The following ZNF577 variants were observed in gnomAD, a reference collection of about 807,000 sequenced individuals.
ZNF577 encodes zinc finger protein 577.
In ZNF577, 14 loss-of-function variants were observed where a neutral mutation model predicts 13.9. The observed-to-expected ratio is 1.00, with a 90% CI of 0.66 to 1.57. The LOEUF is 1.57. Ranked by LOEUF, ZNF577 falls within the 40% of genes most tolerant of loss-of-function variation. The pLI, the probability that ZNF577 is intolerant of heterozygous loss-of-function variation, is 0.00. For synonymous variants in ZNF577, 203 were observed against 202.9 expected (o/e 1.00, Z 0.00); for missense variants, 555 against 579.2 (o/e 0.96, Z 0.43).
intron 9 of ZNF577, chr19:51,823,842 G>A (rs764140414): frequency 3.7e-6 from 6 of 1,614,042 alleles, no homozygotes; most frequent in Non-Finnish European, 2.5e-6. Flanking sequence ...CTCATTGCTA[G>A]TCCACGGAGT....
downstream of ZNF577, among the ~76,000 whole-genome samples, chr19:51,863,548 A>G (rs1056933385): frequency 1.3e-5 from 2 of 152,194 alleles, no homozygotes; most frequent in African/African-American, 4.8e-5. Context: ...CAGAAAAACC[A>G]TATGTACCTG....
At chr19:51,841,836 T>C (rs1005447243) in intron 8 of ZNF577, among the ~76,000 whole-genome samples, 1 of 152,190 alleles carries the variant, frequency 6.6e-6, no homozygotes, top group African/African-American at 2.4e-5. Context: ...GGAGAATCAG[T>C]TGAATCTTTC....
At chr19:51,861,238 C>A (rs1474823083) in intron 5 of ZNF577, 2 of 259,970 alleles carry the variant, frequency 7.7e-6, no homozygotes, top group African/African-American at 4.8e-5. Context: ...CCTGCCTCAG[C>A]CTCCTGAGTA....
chr19:51,814,483 GTTTT>G (rs1385079896), intron 9 of ZNF577, among the ~76,000 whole-genome samples: 3 of 108,442 alleles, frequency 2.8e-5, no homozygotes, highest in African/African-American at 1.3e-4. Flanking sequence ...CAAGGTTTTT[GTTTT>G]TTGTTTGTTT....
intron 9 of ZNF577, among the ~76,000 whole-genome samples, chr19:51,827,046 C>T (rs1365586309): frequency 6.6e-6 from 1 of 152,158 alleles, no homozygotes; most frequent in Non-Finnish European, 1.5e-5. Context: ...TCTCTGGCCA[C>T]ATGACGTCTG....
chr19:51,872,787 G>A lies in ZNF577; in HGVS notation c.1203C>T (p.Ser401=), dbSNP rs10407707. 0.05 allele frequency: 81,000 copies of A among 1,613,980 alleles called. 7,242 individuals carry two copies. Among genetic ancestry groups the A allele is most frequent in the African/African-American group, 0.28 (20,790 of 74,934 alleles). Residue 401 remains serine, a synonymous_variant, in exon 6 of 6, where the codon AGC becomes AGT. Coordinates refer to ENST00000638348, the MANE Select transcript of ZNF577 (RefSeq NM_001370449.1). ...CAGTCTTTTGCTCTTGTATGAGTTC[G>A]CTCATGTATAAGGAGGTATGACTCC... ...SSRSHTSLYM[S]ELIQEQKTVN...
chr19:51,881,477 A>G (rs1486132429), intron 1 of ZNF577, among the ~76,000 whole-genome samples: 1 of 152,204 alleles, frequency 6.6e-6, no homozygotes. Context: ...TAAGGTACTC[A>G]TTATTATTTC....
chr19:51,861,244 G>A (rs1599859897), intron 5 of ZNF577: 1 of 251,744 alleles, frequency 4.0e-6, no homozygotes, highest in Non-Finnish European at 7.4e-6. Context: ...TCAGCCTCCT[G>A]AGTAGTTAGG....
chr19:51,865,632 C>T (rs1039604663), downstream of ZNF577, among the ~76,000 whole-genome samples: 11 of 152,262 alleles, frequency 7.2e-5, no homozygotes, highest in South Asian at 6.2e-4. Flanking sequence ...AAACGCCAAA[C>T]AAAAGAGAGC....
chr19:51,880,463 T>A (rs1269693881), intron 2 of ZNF577, 62 bp from the exon 3 acceptor site: 1 of 1,429,516 alleles, frequency 7.0e-7, no homozygotes, highest in Admixed American at 1.7e-5. Context: ...TAACAGTCAC[T>A]TAGCTATGTT....
chr19:51,847,676 C>T (rs182953230), intron 5 of ZNF577, among the ~76,000 whole-genome samples: 1 of 152,162 alleles, frequency 6.6e-6, no homozygotes. Flanking sequence ...TAAAAGCCCT[C>T]AACAACCCCG....
At chr19:51,839,153 C>T (rs964519028) in intron 9 of ZNF577, among the ~76,000 whole-genome samples, 1 of 152,226 alleles carries the variant, frequency 6.6e-6, no homozygotes, top group African/African-American at 2.4e-5. Flanking sequence ...CAATACCTTG[C>T]CCAAAGTCAT....
intron 9 of ZNF577, among the ~76,000 whole-genome samples, chr19:51,817,314 A>G (rs2084144564): frequency 1.3e-5 from 2 of 152,182 alleles, no homozygotes; most frequent in South Asian, 4.1e-4. Context: ...AAACCAAAAT[A>G]GAGTCACTCA....
rs1425572727 is a variant in ZNF577 at position 51,872,948 on chromosome 19, G to A, written c.1042C>T (p.His348Tyr). 5 of 1,614,186 alleles carry A rather than the reference G, an allele frequency of 3.1e-6. No homozygotes were observed. Among genetic ancestry groups the A allele is most frequent in the Non-Finnish European group, 3.4e-6 (4 of 1,180,042 alleles). ...CATGAATATGGTCTCTCTCCAGTGTGAGTACGCTGATGCTGAATGAGCTTC... is the reference window on the plus strand; with the variant it reads ...CATGAATATGGTCTCTCTCCAGTGTAAGTACGCTGATGCTGAATGAGCTTC... ...KSKLIQHQRT[H>Y]TGERPYSCRE... Residue 348 changes from histidine (H) to tyrosine (Y), a missense_variant, in exon 6 of 6, where the codon CAC becomes TAC. Coordinates refer to ENST00000638348, the MANE Select transcript of ZNF577 (RefSeq NM_001370449.1).
intron 5 of ZNF577, among the ~76,000 whole-genome samples, chr19:51,859,154 A>G (rs2084471047): frequency 6.6e-6 from 1 of 152,188 alleles, no homozygotes; most frequent in South Asian, 2.1e-4. Flanking sequence ...TTCATGCAAC[A>G]TGTCATCAGT....
At chr19:51,817,615 A>G (rs1290289974) in intron 9 of ZNF577, 2 of 151,720 alleles carry the variant, frequency 1.3e-5, no homozygotes, top group Non-Finnish European at 2.9e-5. Flanking sequence ...TGCTTTCTTT[A>G]GCCCTCCTCT....
intron 9 of ZNF577, among the ~76,000 whole-genome samples, chr19:51,831,382 G>A (rs937721765): frequency 1.3e-5 from 2 of 152,158 alleles, no homozygotes; most frequent in African/African-American, 4.8e-5. Context: ...CTCCCAAAGT[G>A]CAAGGATTAC....
Position 51,824,989 on chromosome 19 carries a change from G to C in ZNF577, c.*600-13315C>G. 1.7e-6 allele frequency: 1 copy of C among 595,282 alleles called. No individual in the cohort carries two copies. Among genetic ancestry groups the C allele is most frequent in the Non-Finnish European group, 3.0e-6 (1 of 330,092 alleles). The allele number at this position is 595,282 out of a possible 1,614,324, so 36.9% of individuals were successfully genotyped here. A position where few individuals can be genotyped will look rare whatever the true frequency, so the allele number is the denominator to read the frequency against. ...CAACCAAGCAATAGACACCAGCTGG[G>C]TGTCCTACAATTAAATTCCAACACT... On this transcript the variant is annotated intron_variant and NMD_transcript_variant, in intron 9 of 10. Transcript: ENST00000638827. This position sits in a 1 kb window ranked among gnomAD's most constrained non-coding sequence, Gnocchi z 4.7.
chr19:51,884,250 A>C (rs563670073), intron 1 of ZNF577, among the ~76,000 whole-genome samples: 14 of 152,326 alleles, frequency 9.2e-5, no homozygotes, highest in African/African-American at 3.1e-4. Flanking sequence ...TGTCTGTAAA[A>C]GAAAAAACAA....
Sources: allele counts gnomAD v4.1 joint callset (sites outside exome capture counted in the v4.1 genomes callset), GRCh38; gene constraint gnomAD v4.1.1; non-coding constraint Gnocchi (gnomAD v3.1); transcripts MANE v1.5; gene names NCBI Gene and HGNC (gene_info 2026-07-23, HGNC 2026-07-21).